Variants in ZNF160 observed in about 807,000 individuals in gnomAD.
ZNF160 encodes KRAB zinc finger protein KR18.
ZNF160 carries 9 observed loss-of-function variants against 13.1 expected under a neutral mutation model. The ratio of observed to expected loss-of-function variants is 0.69; its 90% confidence interval spans 0.41 to 1.20. ZNF160 has a LOEUF of 1.20. Ranked by LOEUF, ZNF160 falls within the 50% of genes most tolerant of loss-of-function variation. ZNF160 has a pLI of 0.01. For synonymous variants in ZNF160, 293 were observed against 333.2 expected (o/e 0.88, Z 1.31); for missense variants, 838 against 988.0 (o/e 0.85, Z 2.04).
At chr19:53,090,658 G>C (rs1449410091) in intron 2 of ZNF160, among the ~76,000 whole-genome samples, 2 of 152,156 alleles carry the variant, frequency 1.3e-5, no homozygotes, top group Non-Finnish European at 2.9e-5. Context: ...TGCTTATGAG[G>C]GGGAGGCCTG....
intron 4 of ZNF160, 58 bp from the exon 5 acceptor site, chr19:53,074,326 A>G: frequency 6.3e-7 from 1 of 1,599,890 alleles, no homozygotes; most frequent in Admixed American, 1.7e-5. Flanking sequence ...TCCCAGCCCT[A>G]TGTTTACATG....
At position 53,069,680 on chromosome 19, in the gene ZNF160, TA is replaced by T. The variant is rs760246447; in HGVS notation, c.853del (p.Tyr285ThrfsTer16). ...GGTTTTGCCGCACTCACTGCATTTGTAAGGCTTCTCTCCACTATGAATTCTC... is the reference window on the plus strand; with the variant it reads ...GGTTTTGCCGCACTCACTGCATTTGTAGGCTTCTCTCCACTATGAATTCTC... Reference protein sequence around the residue: ...HRRIHSGEKPYKCSECGKTFT... With the variant: ...HRRIHSGEKPXKCSECGKTFT... On this transcript the variant is annotated frameshift_variant, in exon 6 of 6. Coordinates refer to ENST00000683776, the MANE Select transcript of ZNF160 (RefSeq NM_001322131.2). LOFTEE classifies it low-confidence loss of function (END_TRUNC). This position sits in a 1 kb window ranked among gnomAD's most constrained non-coding sequence, Gnocchi z 4.4. The T allele has an allele frequency of 5.6e-6, 9 of 1,614,186 alleles. No individual in the cohort carries two copies. Among genetic ancestry groups the T allele is most frequent in the Non-Finnish European group, 7.6e-6 (9 of 1,180,006 alleles).
At chr19:53,074,997 A>G in intron 4 of ZNF160, 60 bp downstream of exon 4, 1 of 1,611,292 alleles carries the variant, frequency 6.2e-7, no homozygotes. Context: ...GGGACTCGTA[A>G]GGGAAAATGC....
chr19:53,073,479 A>G (rs1460081259), intron 5 of ZNF160: 1 of 1,598,108 alleles, frequency 6.3e-7, no homozygotes, highest in Non-Finnish European at 8.5e-7. Flanking sequence ...GCCAAGGAGC[A>G]GCAGCCAATG....
intron 1 of ZNF160, among the ~76,000 whole-genome samples, chr19:53,101,140 C>T (rs896808125): frequency 4.0e-5 from 6 of 149,212 alleles, no homozygotes; most frequent in South Asian, 2.1e-4. Flanking sequence ...ATTAGCCAGG[C>T]GTGGTGGCAC....
intron 1 of ZNF160, among the ~76,000 whole-genome samples, chr19:53,100,488 T>G (rs2085404216): frequency 6.6e-6 from 1 of 152,134 alleles, no homozygotes; most frequent in Admixed American, 6.5e-5. Flanking sequence ...CGGCTGCCTG[T>G]AGTCCCAACT....
At position 53,069,254 on chromosome 19, in the gene ZNF160, C is replaced by T. The variant is rs770085038; in HGVS notation, c.1280G>A (p.Cys427Tyr). The T allele has an allele frequency of 1.2e-6, 2 of 1,612,322 alleles. No individual in the cohort carries two copies. Among genetic ancestry groups the T allele is most frequent in the Admixed American group, 1.7e-5 (1 of 59,948 alleles). Reference sequence around the variant, plus strand: ...CCTAAAGACTTTGCCACATTCATTACATTTGTAAGGTTTTTCTCCAGTGTG... The same window carrying T: ...CCTAAAGACTTTGCCACATTCATTATATTTGTAAGGTTTTTCTCCAGTGTG... Reference protein sequence around the residue: ...TIHTGEKPYKCNECGKVFRYN... With the variant: ...TIHTGEKPYKYNECGKVFRYN... Residue 427 changes from cysteine (C) to tyrosine (Y), a missense_variant, in exon 6 of 6, where the codon TGT becomes TAT. Coordinates refer to ENST00000683776, the MANE Select transcript of ZNF160 (RefSeq NM_001322131.2). This position sits in a 1 kb window ranked among gnomAD's most constrained non-coding sequence, Gnocchi z 4.4.
chr19:53,074,397 G>A, intron 4 of ZNF160, 129 bp from the exon 5 acceptor site: 5 of 1,432,268 alleles, frequency 3.5e-6, no homozygotes, highest in Non-Finnish European at 4.6e-6. Context: ...GCCAGGCGCG[G>A]TGGCTCATGC....
rs980439584 is a variant in ZNF160, at chr19:53,103,376, A to C, written c.-465T>G. 6.6e-6 allele frequency: 1 copy of C among 152,242 alleles called. No individual in the cohort carries two copies. Among genetic ancestry groups the C allele is most frequent in the African/African-American group, 2.4e-5 (1 of 41,442 alleles). The allele number at this position is 152,242 out of a possible 1,614,324, so 9.4% of individuals were successfully genotyped here. ...GTTGAGTCTACACAGAGGAACACTC[A>C]TACGCCATGGTGTGATGCTTGCTCC... On this transcript the variant is annotated 5_prime_UTR_variant, in exon 1 of 6. The change abolishes an upstream ATG in the 5' untranslated region. Coordinates refer to ENST00000683776, the MANE Select transcript of ZNF160 (RefSeq NM_001322131.2).
At chr19:53,076,476 T>C (rs2084394765) in intron 3 of ZNF160, among the ~76,000 whole-genome samples, 1 of 152,008 alleles carries the variant, frequency 6.6e-6, no homozygotes. Context: ...CTGTCTCTAC[T>C]AAAAATACAA....
In ZNF160 at chr19:53,092,868, G is replaced by A. The variant is rs141010050; in HGVS notation, c.-353-1148C>T. ...CATCTACAGTTTCAAAAGATATGGT[G>A]TCTGGGATAGATTTGGGGACTTTTG... On this transcript the variant is annotated intron_variant, in intron 1 of 5. Transcript: ENST00000683776. 3.4e-3 allele frequency among the ~76,000 whole-genome samples: 523 copies of A among 152,308 alleles called. 5 individuals are homozygous for A. Among genetic ancestry groups the A allele is most frequent in the Non-Finnish European group, 4.9e-3 (334 of 68,030 alleles).
At chr19:53,075,621 A>G in intron 3 of ZNF160, 1 of 394,280 alleles carries the variant, frequency 2.5e-6, no homozygotes, top group Non-Finnish European at 5.0e-6. Flanking sequence ...AAACTCAAAA[A>G]AGACAGAATA....
At chr19:53,087,097 A>G (rs1456136810) in intron 2 of ZNF160, among the ~76,000 whole-genome samples, 1 of 152,206 alleles carries the variant, frequency 6.6e-6, no homozygotes, top group Non-Finnish European at 1.5e-5. Context: ...TCAGGAAGAA[A>G]GGCTGCTTGT....
chr19:53,073,791 T>C (rs1275470794), intron 5 of ZNF160, among the ~76,000 whole-genome samples: 1 of 152,046 alleles, frequency 6.6e-6, no homozygotes, highest in African/African-American at 2.4e-5. Flanking sequence ...ACTTTATTTA[T>C]TTATTTATTT....
chr19:53,085,907 T>C (rs1453011384), intron 3 of ZNF160: 10 of 844,580 alleles, frequency 1.2e-5, no homozygotes, highest in African/African-American at 1.2e-4. Context: ...CCTGACTTCA[T>C]GGGCAGCTTC....
At chr19:53,079,482 G>A (rs924022767) in intron 3 of ZNF160, among the ~76,000 whole-genome samples, 3 of 150,478 alleles carry the variant, frequency 2.0e-5, no homozygotes, top group South Asian at 2.1e-4. Context: ...CCCGAGAGGC[G>A]GAGGTTGCAG....
chr19:53,073,011 TTC>T (rs2084238528), intron 5 of ZNF160: 20 of 570,940 alleles, frequency 3.5e-5, no homozygotes, highest in Admixed American at 1.2e-4. Flanking sequence ...CAAACTGATA[TTC>T]TGTTATAGGT....
At chr19:53,085,926 T>C in intron 3 of ZNF160, 2 of 986,916 alleles carry the variant, frequency 2.0e-6, no homozygotes, top group Non-Finnish European at 1.5e-6. Context: ...TCTGTTATCA[T>C]GGTTTACACA....
intron 5 of ZNF160, among the ~76,000 whole-genome samples, chr19:53,072,113 T>C (rs975504374): frequency 6.6e-5 from 10 of 151,854 alleles, no homozygotes; most frequent in African/African-American, 2.4e-4. Context: ...TTCTTTTTTT[T>C]TTTTTTTAGA....
Sources: gnomAD v4.1 joint callset for allele counts (sites outside exome capture counted in the v4.1 genomes callset) on GRCh38, gnomAD v4.1.1 for gene constraint, Gnocchi (gnomAD v3.1) non-coding constraint, MANE v1.5 for transcripts, NCBI Gene and HGNC (gene_info 2026-07-23, HGNC 2026-07-21) for gene names.